The following CDH13 variants were observed in gnomAD, a reference collection of about 807,000 sequenced individuals.
CDH13 encodes cadherin 13, also known as cadherin-13.
In CDH13, 24 loss-of-function variants were observed where a neutral mutation model predicts 63.8. That is an observed-to-expected ratio of 0.38 (90% CI 0.27 to 0.53). The LOEUF (loss-of-function observed/expected upper bound fraction) is 0.53. Among genes scored for constraint, CDH13 ranks in the 20% least tolerant of loss-of-function variants. CDH13 has a pLI of 0.85. For missense variants in CDH13, 1,049 were observed against 903.1 expected, an observed-to-expected ratio of 1.16 and a Z score of -2.07; for synonymous variants, 503 against 355.3, an observed-to-expected ratio of 1.42 and a Z score of -4.67.
intron 2 of CDH13, among the ~76,000 whole-genome samples, chr16:83,004,303 C>A (rs1913250756): frequency 6.6e-6 from 1 of 152,164 alleles, no homozygotes; most frequent in Admixed American, 6.5e-5. Flanking sequence ...AAAGGAAGAA[C>A]TTTGAATTCA....
intron 6 of CDH13, among the ~76,000 whole-genome samples, chr16:83,351,274 C>A (rs1211193682): frequency 8.3e-6 from 1 of 119,874 alleles, no homozygotes; most frequent in Non-Finnish European, 1.7e-5. Context: ...AGGCATGTGG[C>A]TATTTCTTTT....
chr16:82,921,847 A>C (rs1293516520), intron 2 of CDH13, among the ~76,000 whole-genome samples: 1 of 152,158 alleles, frequency 6.6e-6, no homozygotes, highest in Non-Finnish European at 1.5e-5. Flanking sequence ...TAAATGCTTG[A>C]TAAAACTTAC....
intron 7 of CDH13, among the ~76,000 whole-genome samples, chr16:83,572,173 GTGGTGTGTGT>G (rs1904688418): frequency 1.6e-5 from 1 of 63,944 alleles, no homozygotes. Context: ...CCACTTTCCT[GTGGTGTGTGT>G]GTGTGTGTGT....
intron 3 of CDH13, among the ~76,000 whole-genome samples, chr16:83,060,656 G>A (rs1485734121): frequency 6.6e-6 from 1 of 152,230 alleles, no homozygotes; most frequent in Admixed American, 6.5e-5. Context: ...TCCAGAGCCT[G>A]CATGCCTAAC....
chr16:82,786,259 C>G (rs1052146412), intron 1 of CDH13, among the ~76,000 whole-genome samples: 1 of 151,986 alleles, frequency 6.6e-6, no homozygotes, highest in Non-Finnish European at 1.5e-5. Context: ...GAAGTCATAT[C>G]TTACAGTTAA....
chr16:83,011,540 G>C (rs938037331), intron 2 of CDH13, among the ~76,000 whole-genome samples: 14 of 152,104 alleles, frequency 9.2e-5, no homozygotes, highest in Non-Finnish European at 1.8e-4. Flanking sequence ...TTGAAAGGCT[G>C]TCTCTTTCCC....
chr16:83,487,434 C>T (rs930090053), intron 7 of CDH13, among the ~76,000 whole-genome samples: 1 of 152,172 alleles, frequency 6.6e-6, no homozygotes, highest in Non-Finnish European at 1.5e-5. Context: ...GATCCAGGGT[C>T]TGCTGTCCCC....
chr16:83,131,280 C>G (rs939215005), intron 4 of CDH13, among the ~76,000 whole-genome samples: 1 of 138,568 alleles, frequency 7.2e-6, no homozygotes, highest in African/African-American at 2.6e-5. Context: ...TAATTTCTGG[C>G]TCTTTTCCAT....
At chr16:83,456,875 T>A (rs1188005338) in intron 6 of CDH13, among the ~76,000 whole-genome samples, 1 of 151,694 alleles carries the variant, frequency 6.6e-6, no homozygotes, top group Non-Finnish European at 1.5e-5. Context: ...GGCAGGAGAG[T>A]CACTTGAACC....
At position 83,217,959 on chromosome 16, in the gene CDH13, T is replaced by C. The variant is rs149901028; in HGVS notation, c.636+462T>C. Among the ~76,000 whole-genome samples the C allele has an allele frequency of 4.1e-3, 626 of 152,310 alleles. 1 individual carries two copies. Among genetic ancestry groups the C allele is most frequent in the African/African-American group, 0.013 (527 of 41,572 alleles). On this transcript the variant is annotated intron_variant, in intron 5 of 13. Transcript: ENST00000567109. ...TTTGCAAGGCAGTTTTCTCTAGCCA[T>C]TTAAAATGCTTCTGAAGAAGTTGTG...
intron 1 of CDH13, among the ~76,000 whole-genome samples, chr16:82,834,197 AG>A (rs1162160169): frequency 3.9e-5 from 6 of 152,196 alleles, no homozygotes; most frequent in African/African-American, 7.2e-5. Context: ...CTCACCAGAT[AG>A]GCTGACACAT....
intron 7 of CDH13, among the ~76,000 whole-genome samples, chr16:83,506,070 GT>G (rs1211034263): frequency 6.6e-6 from 1 of 152,214 alleles, no homozygotes; most frequent in Non-Finnish European, 1.5e-5. Flanking sequence ...CAAAGAGGCT[GT>G]CAGAATGGTT....
In CDH13 at chr16:83,607,790, A is replaced by G. The variant is rs1025278546; in HGVS notation, c.1101+5196A>G. Among the ~76,000 whole-genome samples the G allele has an allele frequency of 5.9e-5, 9 of 152,354 alleles. No individual in the cohort carries two copies. In the South Asian group the frequency reaches 1.0e-3, roughly 18 times the overall value. ...TAACTGTTAGTTTTGAACTTCTTAC[A>G]TAAGGTATTTTGAAATGATCTGAGA... is the stretch of plus-strand genomic sequence containing the variant. On this transcript the variant is annotated intron_variant, in intron 8 of 13. Transcript: ENST00000567109.
intron 6 of CDH13, among the ~76,000 whole-genome samples, chr16:83,427,479 A>G (rs1032285429): frequency 3.9e-5 from 6 of 152,148 alleles, no homozygotes; most frequent in African/African-American, 1.4e-4. Flanking sequence ...TCCTGAAGGT[A>G]CCAGCCCCAC....
intron 6 of CDH13, among the ~76,000 whole-genome samples, chr16:83,428,671 T>C (rs1234759937): frequency 6.6e-6 from 1 of 152,228 alleles, no homozygotes; most frequent in East Asian, 1.9e-4. Context: ...TACTAGAAAT[T>C]AGTCCGTAAG....
chr16:83,356,220 G>A (rs879383313), intron 6 of CDH13, among the ~76,000 whole-genome samples: 3,070 of 47,906 alleles, frequency 0.064, 65 homozygotes, highest in African/African-American at 0.2. Context: ...TCATGTGTGT[G>A]TGTGTGTGTG....
At chr16:83,013,766 C>T (rs180874414) in intron 2 of CDH13, among the ~76,000 whole-genome samples, 47 of 152,244 alleles carry the variant, frequency 3.1e-4, no homozygotes, top group African/African-American at 1.1e-3. Flanking sequence ...AAGCTCTGTG[C>T]TAGTGCGAGA....
At chr16:83,069,569 G>A (rs1193998199) in intron 3 of CDH13, among the ~76,000 whole-genome samples, 1 of 152,098 alleles carries the variant, frequency 6.6e-6, no homozygotes, top group African/African-American at 2.4e-5. Flanking sequence ...TCTAAAAAAT[G>A]CAAAGCCAAG....
Position 82,931,055 on chromosome 16 carries a change from G to C in CDH13, c.157+72582G>C, listed in dbSNP as rs151087038. Among the ~76,000 whole-genome samples the C allele has an allele frequency of 1.8e-3, 277 of 152,304 alleles. 1 individual carries two copies. Among genetic ancestry groups the C allele is most frequent in the Middle Eastern group, 3.4e-3 (1 of 294 alleles). Reference sequence around the variant, plus strand: ...TCTGCTGAAGCTAATTCCAAACAAAGTAGGCACCATATCTTCTTTCAAAAG... The same window carrying C: ...TCTGCTGAAGCTAATTCCAAACAAACTAGGCACCATATCTTCTTTCAAAAG... On this transcript the variant is annotated intron_variant, in intron 2 of 13. Coordinates refer to ENST00000567109, the MANE Select transcript of CDH13 (RefSeq NM_001257.5).
Sources: gnomAD v4.1 joint callset for allele counts (sites outside exome capture counted in the v4.1 genomes callset) on GRCh38, gnomAD v4.1.1 for gene constraint, MANE v1.5 for transcripts, NCBI Gene and HGNC (gene_info 2026-07-23, HGNC 2026-07-21) for gene names.